Variants in ARHGEF16 observed in about 807,000 individuals in gnomAD.
The protein encoded by ARHGEF16 is Rho guanine nucleotide exchange factor 16, also known as Rho guanine exchange factor (GEF) 16.
ARHGEF16 carries 59 observed loss-of-function variants against 74.1 expected under a neutral mutation model. The observed-to-expected ratio is 0.80, with a 90% confidence interval of 0.65 to 0.99. The LOEUF is 0.99. Among genes scored for constraint, ARHGEF16 ranks in the 50% least tolerant of loss-of-function variants. ARHGEF16 has a pLI of 0.00. For missense variants in ARHGEF16, 948 were observed against 986.6 expected, an observed-to-expected ratio of 0.96 and a Z score of 0.52; for synonymous variants, 415 against 412.6, an observed-to-expected ratio of 1.01 and a Z score of -0.07.
In ARHGEF16 at chr1:3,464,893, C is replaced by T. The variant is rs564919732; in HGVS notation, c.588+1221C>T. 1.5e-3 allele frequency among the ~76,000 whole-genome samples: 225 copies of T among 152,312 alleles called. 1 individual carries two copies. Among genetic ancestry groups the T allele is most frequent in the African/African-American group, 5.0e-3 (209 of 41,578 alleles). On this transcript the variant is annotated intron_variant, in intron 2 of 14. Coordinates refer to ENST00000378378, the MANE Select transcript of ARHGEF16 (RefSeq NM_014448.4). ...GAGTGGCAGTGCCAGCCTCAGGAGACGCCAAGACCACCTGTCAGAATGTCC... is the reference window on the plus strand; with the variant it reads ...GAGTGGCAGTGCCAGCCTCAGGAGATGCCAAGACCACCTGTCAGAATGTCC...
chr1:3,462,832 C>G (rs754356222), intron 1 of ARHGEF16, among the ~76,000 whole-genome samples: 1 of 152,220 alleles, frequency 6.6e-6, no homozygotes, highest in Non-Finnish European at 1.5e-5. Context: ...CCAGCGCCTG[C>G]CCAGTCCCAT....
intron 12 of ARHGEF16, among the ~76,000 whole-genome samples, chr1:3,479,001 G>T (rs1000168549): frequency 6.6e-6 from 1 of 152,348 alleles, no homozygotes; most frequent in East Asian, 1.9e-4. Flanking sequence ...ACAGCTGCAG[G>T]TGGACAGCAG....
At chr1:3,473,628 G>T (rs1015149910) in intron 8 of ARHGEF16, 106 bp downstream of exon 8, 103 of 1,546,144 alleles carry the variant, frequency 6.7e-5, no homozygotes, top group Non-Finnish European at 8.9e-5. Context: ...TCTCCTCCAG[G>T]CTTGGCCTAT....
At position 3,477,782 on chromosome 1, in the gene ARHGEF16, A is replaced by T. The variant is rs552766182; in HGVS notation, c.1474-93A>T. The T allele has an allele frequency of 3.4e-5, 41 of 1,212,706 alleles. No homozygotes were observed. In the South Asian group the frequency reaches 4.7e-4, roughly 14 times the overall value. The allele number at this position is 1,212,706 out of a possible 1,614,324, so 75.1% of individuals were successfully genotyped here. On this transcript the variant is annotated intron_variant, in intron 10 of 14. Transcript: ENST00000378378. ...GCAGGAGTCAGTCCCACCTGGTGCT[A>T]TGCGTCCTTGACCCCCTGGGGACCT...
At chr1:3,455,018 G>C (rs1038682639) in intron 1 of ARHGEF16, among the ~76,000 whole-genome samples, 3 of 151,948 alleles carry the variant, frequency 2.0e-5, no homozygotes, top group African/African-American at 7.2e-5. Flanking sequence ...CTCGCGGGCT[G>C]AGCCGGATGC....
intron 4 of ARHGEF16, chr1:3,468,659 TG>T: frequency 1.0e-5 from 6 of 578,190 alleles, no homozygotes; most frequent in African/African-American, 1.9e-5. Context: ...CTCTGGCGGC[TG>T]GGGGGAGCGG....
chr1:3,458,244 A>T (rs1486567729), intron 1 of ARHGEF16, among the ~76,000 whole-genome samples: 1 of 152,228 alleles, frequency 6.6e-6, no homozygotes, highest in Non-Finnish European at 1.5e-5. Context: ...CCAGCCAGCC[A>T]GCCTGCGGCT....
At chr1:3,472,182 G>C (rs969680772) in intron 6 of ARHGEF16, among the ~76,000 whole-genome samples, 3 of 152,222 alleles carry the variant, frequency 2.0e-5, no homozygotes, top group African/African-American at 7.2e-5. Context: ...ATGTGGTCTC[G>C]GGTTGGGTGC....
At chr1:3,466,042 C>A in intron 2 of ARHGEF16, 106 bp from the exon 3 acceptor site, 1 of 1,271,408 alleles carries the variant, frequency 7.9e-7, no homozygotes, top group Non-Finnish European at 1.1e-6. Flanking sequence ...TTGGGCACAG[C>A]TTCGCATGTG....
Position 3,463,255 on chromosome 1 carries a change from C to A in ARHGEF16, c.171C>A (p.Pro57=). The change falls in exon 2 of 15, where the codon CCC becomes CCA. Residue 57 remains proline, a synonymous_variant. Transcript: ENST00000378378. ...CCTTCCAGCCCCAGGTCCCGGCACC[C>A]CCACAGCCTCGGCCCCCGGGGCACG... is the stretch of plus-strand genomic sequence containing the variant. ...DAAFQPQVPA[P]PQPRPPGHEE... 6.5e-7 allele frequency: 1 copy of A among 1,549,118 alleles called. No homozygotes were observed. Among genetic ancestry groups the A allele is most frequent in the South Asian group, 1.2e-5 (1 of 83,992 alleles).
rs749071074 is a variant in ARHGEF16, at chr1:3,463,408, C to T, written c.324C>T (p.Phe108=). 44 of 1,549,998 alleles carry T rather than the reference C, an allele frequency of 2.8e-5. No individual in the cohort carries two copies. Among genetic ancestry groups the T allele is most frequent in the Middle Eastern group, 1.7e-4 (1 of 6,006 alleles). Reference sequence around the variant, plus strand: ...AGACCCCAGCCCGCCACCAGAGCTTCGGGGCGGCTGTACTTAGCAGGGAGG... The same window carrying T: ...AGACCCCAGCCCGCCACCAGAGCTTTGGGGCGGCTGTACTTAGCAGGGAGG... ...KAKTPARHQS[F]GAAVLSREAA... Residue 108 remains phenylalanine, a synonymous_variant, in exon 2 of 15, where the codon TTC becomes TTT. Transcript: ENST00000378378.
chr1:3,477,262 C>G (rs1053263722), intron 10 of ARHGEF16, among the ~76,000 whole-genome samples: 2 of 103,242 alleles, frequency 1.9e-5, no homozygotes, highest in Non-Finnish European at 4.3e-5. Flanking sequence ...TGCCCTCCCC[C>G]CCACCCTGTA....
chr1:3,463,432 G>A lies in ARHGEF16; in HGVS notation c.348G>A (p.Glu116=), dbSNP rs191778426. The A allele has an allele frequency of 1.5e-4, 238 of 1,547,206 alleles. 1 individual carries two copies. In the East Asian group the frequency reaches 5.8e-3, roughly 38 times the overall value. Residue 116 remains glutamate (E), a synonymous_variant, in exon 2 of 15, where the codon GAG becomes GAA. Transcript: ENST00000378378. ...TCGGGGCGGCTGTACTTAGCAGGGA[G>A]GCCGCCCGGCGGGACCCTAAGCTCC... ...QSFGAAVLSR[E]AARRDPKLLP... is the part of the protein sequence containing the mutation.
intron 1 of ARHGEF16, among the ~76,000 whole-genome samples, chr1:3,457,049 G>C (rs1639281033): frequency 6.6e-6 from 1 of 152,240 alleles, no homozygotes; most frequent in South Asian, 2.1e-4. Context: ...CTGACTACCA[G>C]CAGTGTCCCC....
intron 2 of ARHGEF16, among the ~76,000 whole-genome samples, chr1:3,464,889 G>C (rs1469685674): frequency 2.0e-5 from 3 of 152,188 alleles, no homozygotes; most frequent in East Asian, 1.9e-4. Flanking sequence ...CCAGCCTCAG[G>C]AGACGCCAAG....
intron 6 of ARHGEF16, among the ~76,000 whole-genome samples, chr1:3,472,212 G>A (rs1221876980): frequency 2.0e-5 from 3 of 152,352 alleles, no homozygotes; most frequent in East Asian, 1.9e-4. Context: ...CTGCAGGATG[G>A]ACGAGGCTCC....
At chr1:3,470,888 G>A (rs1639697869) in intron 6 of ARHGEF16, among the ~76,000 whole-genome samples, 1 of 143,434 alleles carries the variant, frequency 7.0e-6, no homozygotes, top group Non-Finnish European at 1.5e-5. Flanking sequence ...ATGTGCGTGG[G>A]TGTGTGTGCC....
In ARHGEF16 at chr1:3,479,910, G is replaced by T; in HGVS notation, c.1987G>T (p.Asp663Tyr). The T allele has an allele frequency of 1.2e-6, 2 of 1,612,170 alleles. No individual in the cohort carries two copies. The highest frequency in any genetic ancestry group is 1.7e-6 in the Non-Finnish European group (2 of 1,179,880). Residue 663 changes from aspartate (D) to tyrosine (Y), a missense_variant, in exon 14 of 15, where the codon GAT becomes TAT. By Grantham distance (160) the Asp-to-Tyr change is radical. Transcript: ENST00000378378. ...ADVVLVLQQE[D>Y]GWLYGERLRD... is the part of the protein sequence containing the mutation. ...CGTGGTCCTGGTTCTGCAGCAGGAG[G>T]ATGGTGAGTGCAGGGGCGTTGGGCA...
rs571029976 is a variant in ARHGEF16, at chr1:3,480,729, C to T, written c.*142C>T. The T allele has an allele frequency of 6.0e-5, 71 of 1,182,630 alleles. No homozygotes were observed. The highest frequency in any genetic ancestry group is 5.8e-4 in the Middle Eastern group (2 of 3,462). The allele number at this position is 1,182,630 out of a possible 1,614,324, so 73.3% of individuals were successfully genotyped here. A position where few individuals can be genotyped will look rare whatever the true frequency, so the allele number is the denominator to read the frequency against. ...TCCCAAGAGCCTGTGGCTGTGGTGCCGGGCTCCAGACACTTCACGGAAGGA... is the reference window on the plus strand; with the variant it reads ...TCCCAAGAGCCTGTGGCTGTGGTGCTGGGCTCCAGACACTTCACGGAAGGA... On this transcript the variant is annotated 3_prime_UTR_variant, in exon 15 of 15. Transcript: ENST00000378378.
Sources: gnomAD v4.1 joint callset for allele counts (sites outside exome capture counted in the v4.1 genomes callset) on GRCh38, gnomAD v4.1.1 for gene constraint, MANE v1.5 for transcripts, NCBI Gene and HGNC (gene_info 2026-07-23, HGNC 2026-07-21) for gene names.